Variants in PSTPIP2 observed in about 807,000 individuals in gnomAD.
PSTPIP2 encodes proline-serine-threonine phosphatase interacting protein 2, also known as proline-serine-threonine phosphatase-interacting protein 2.
In PSTPIP2, 33 loss-of-function variants were observed where a neutral mutation model predicts 63.3. That is an observed-to-expected ratio of 0.52 (90% CI 0.40 to 0.70). PSTPIP2 has a LOEUF of 0.70. PSTPIP2 is among the 30% of genes least tolerant of loss of function. The pLI, the probability that PSTPIP2 is intolerant of heterozygous loss-of-function variation, is 0.00. For missense variants in PSTPIP2, 312 were observed against 400.7 expected (o/e 0.78, Z 1.89); for synonymous variants, 125 against 132.7 (o/e 0.94, Z 0.40).
chr18:46,009,468 G>A (rs2051772042), intron 5 of PSTPIP2, among the ~76,000 whole-genome samples: 1 of 150,930 alleles, frequency 6.6e-6, no homozygotes, highest in African/African-American at 2.4e-5. Context: ...ATAAAATGTG[G>A]ACTTCTCAAA....
chr18:45,998,970 T>G (rs1171455466), intron 7 of PSTPIP2, 131 bp from the exon 8 acceptor site: 2 of 886,332 alleles, frequency 2.3e-6, no homozygotes, highest in South Asian at 3.1e-5. Context: ...TGTGTACATT[T>G]CCCTCATGAG....
chr18:46,005,379 T>C (rs2051714046), intron 6 of PSTPIP2, 90 bp downstream of exon 6: 3 of 1,079,888 alleles, frequency 2.8e-6, no homozygotes, highest in Admixed American at 2.9e-5. Flanking sequence ...ATTTTTGAAA[T>C]GTTATTTGAG....
rs76513204 is a variant in PSTPIP2 at position 46,031,434 on chromosome 18, G to A, written c.135-6748C>T. Among the ~76,000 whole-genome samples the A allele has an allele frequency of 8.3e-3, 1,259 of 152,128 alleles. 9 individuals carry two copies. The highest frequency in any genetic ancestry group is 0.013 in the Non-Finnish European group (910 of 68,002). On this transcript the variant is annotated intron_variant, in intron 2 of 14. Coordinates refer to ENST00000409746, the MANE Select transcript of PSTPIP2 (RefSeq NM_024430.4). ...GAGCAAGAAACCTGTTTCTTCTCAG[G>A]CCTCTATTCTTCGACTCTACTTCTA... is the stretch of plus-strand genomic sequence containing the variant.
chr18:46,072,077 C>G, intron 1 of PSTPIP2, 79 bp downstream of exon 1: 1 of 1,474,770 alleles, frequency 6.8e-7, no homozygotes. Flanking sequence ...AGCTGGGGAG[C>G]CCCCCACGCC....
chr18:46,056,214 G>C (rs1908749967), intron 1 of PSTPIP2, among the ~76,000 whole-genome samples: 1 of 152,134 alleles, frequency 6.6e-6, no homozygotes, highest in Admixed American at 6.5e-5. Context: ...GAGTCTGTAG[G>C]AATTCCCTTT....
chr18:46,023,523 C>T (rs1256174413), intron 3 of PSTPIP2, among the ~76,000 whole-genome samples: 1 of 151,928 alleles, frequency 6.6e-6, no homozygotes. Context: ...CGCGCCATTG[C>T]ACTCCAGCCT....
At chr18:46,045,356 T>C (rs1306257652) in intron 1 of PSTPIP2, among the ~76,000 whole-genome samples, 2 of 152,218 alleles carry the variant, frequency 1.3e-5, no homozygotes, top group African/African-American at 2.4e-5. Context: ...TTCACGTTCT[T>C]TGTAGGAACA....
intron 3 of PSTPIP2, among the ~76,000 whole-genome samples, chr18:46,022,636 G>A (rs1375203935): frequency 6.6e-6 from 1 of 152,158 alleles, no homozygotes; most frequent in Non-Finnish European, 1.5e-5. Flanking sequence ...GGTGATAGCA[G>A]GGCATTAAAT....
chr18:46,059,715 C>A (rs1205253728), intron 1 of PSTPIP2, among the ~76,000 whole-genome samples: 2 of 152,088 alleles, frequency 1.3e-5, no homozygotes, highest in Non-Finnish European at 2.9e-5. Flanking sequence ...ATATGACTGT[C>A]TTCATTTTTT....
In PSTPIP2 at chr18:46,020,907, A is replaced by C. The variant is rs1240357235; in HGVS notation, c.212+3702T>G. Among the ~76,000 whole-genome samples, 4 of 152,358 alleles carry C rather than the reference A, an allele frequency of 2.6e-5. No homozygotes were observed. In the South Asian group the frequency reaches 8.3e-4, roughly 32 times the overall value. ...CAAGGCAAACGTCAAATATGTAAGG[A>C]TATAAGAAATATCATTTCGGGTCAG... On this transcript the variant is annotated intron_variant, in intron 3 of 14. Transcript: ENST00000409746.
At chr18:45,988,390 G>A (rs1022964417) in intron 14 of PSTPIP2, among the ~76,000 whole-genome samples, 5 of 143,732 alleles carry the variant, frequency 3.5e-5, no homozygotes, top group African/African-American at 5.5e-5. Context: ...AGCTGAGATC[G>A]CACCACTGCA....
At chr18:46,021,134 G>A (rs186468224) in intron 3 of PSTPIP2, among the ~76,000 whole-genome samples, 25 of 152,244 alleles carry the variant, frequency 1.6e-4, no homozygotes, top group Admixed American at 9.2e-4. Context: ...ACTTGTCTAA[G>A]TTGATGTAGT....
At position 46,034,641 on chromosome 18, in the gene PSTPIP2, C is replaced by T. The variant is rs915084911; in HGVS notation, c.134+5306G>A. On this transcript the variant is annotated intron_variant, in intron 2 of 14. Coordinates refer to ENST00000409746, the MANE Select transcript of PSTPIP2 (RefSeq NM_024430.4). ...TTACCCACTATATATTGTGTACCAG[C>T]TACTGTACTGGGCACAGTGTACTGG... 8.5e-5 allele frequency among the ~76,000 whole-genome samples: 13 copies of T among 152,310 alleles called. No individual in the cohort carries two copies. The South Asian group carries it at 1.0e-3, about 12-fold the overall frequency.
At chr18:46,049,008 ATGTGTGTGTGTGTGTGTG>A (rs59638072) in intron 1 of PSTPIP2, among the ~76,000 whole-genome samples, 241 of 136,366 alleles carry the variant, frequency 1.8e-3, no homozygotes, top group African/African-American at 4.0e-3. Context: ...GAAAAAAAGC[ATGTGTGTGTGTGTGTGTG>A]TGTGTGTGTG....
intron 1 of PSTPIP2, among the ~76,000 whole-genome samples, chr18:46,050,240 G>T (rs1908539877): frequency 1.3e-5 from 2 of 152,112 alleles, no homozygotes; most frequent in Admixed American, 6.6e-5. Flanking sequence ...AACATGAAAA[G>T]ATTTGTACAC....
At chr18:45,992,294 G>A (rs2051544318) in intron 10 of PSTPIP2, 92 bp from the exon 11 acceptor site, 1 of 1,069,808 alleles carries the variant, frequency 9.3e-7, no homozygotes, top group African/African-American at 1.6e-5. Context: ...GGGGCGCAGT[G>A]GCTCATGTCT....
intron 6 of PSTPIP2, among the ~76,000 whole-genome samples, chr18:46,004,748 T>C (rs1466666927): frequency 6.6e-6 from 1 of 152,186 alleles, no homozygotes; most frequent in African/African-American, 2.4e-5. Flanking sequence ...AAAAACCTTA[T>C]ACACTGTTGG....
intron 6 of PSTPIP2, among the ~76,000 whole-genome samples, chr18:46,003,754 G>GTTTTT (rs61114152): frequency 1.5e-5 from 2 of 130,430 alleles, no homozygotes; most frequent in African/African-American, 5.8e-5. Flanking sequence ...CCCTTTCAGA[G>GTTTTT]TTTTTTTTTT....
In PSTPIP2 at chr18:46,032,754, CAAAAA is replaced by C. The variant is rs762015034; in HGVS notation, c.134+7188_134+7192del. ...AGGCAATAAGAGCAAAACTCTGTGT[CAAAAA>C]AAAAAAAAAAAAAAAAGGAAAAGAA... On this transcript the variant is annotated intron_variant, in intron 2 of 14. Coordinates refer to ENST00000409746, the MANE Select transcript of PSTPIP2 (RefSeq NM_024430.4). 7.6e-4 allele frequency among the ~76,000 whole-genome samples: 38 copies of C among 50,186 alleles called. No homozygotes were observed. The East Asian group carries it at 0.014, about 18-fold the overall frequency. The allele number at this position is 50,186 out of a possible 152,430, so 32.9% of individuals were successfully genotyped here. A position where few individuals can be genotyped will look rare whatever the true frequency, so the allele number is the denominator to read the frequency against.
Sources: gnomAD v4.1 joint callset for allele counts (sites outside exome capture counted in the v4.1 genomes callset) on GRCh38, gnomAD v4.1.1 for gene constraint, MANE v1.5 for transcripts, NCBI Gene and HGNC (gene_info 2026-07-23, HGNC 2026-07-21) for gene names.